Variants in RALGPS1 observed in about 807,000 individuals in gnomAD.
RALGPS1 encodes the protein Ral GEF with PH domain and SH3 binding motif 1.
A neutral mutation model predicts 78.8 loss-of-function variants in RALGPS1; 19 were observed. That is an observed-to-expected ratio of 0.24 (90% CI 0.17 to 0.35). RALGPS1 has a LOEUF of 0.35. RALGPS1 is among the 10% of genes least tolerant of loss of function. The pLI, the probability that RALGPS1 is intolerant of heterozygous loss-of-function variation, is 1.00. For missense variants in RALGPS1, 454 were observed against 688.3 expected (o/e 0.66, Z 3.81); for synonymous variants, 228 against 256.3 (o/e 0.89, Z 1.06).
Position 127,205,479 on chromosome 9 carries a change from C to A in RALGPS1, c.1247+6413C>A, listed in dbSNP as rs972747933. On this transcript the variant is annotated intron_variant, in intron 14 of 18. Transcript: ENST00000259351. The surrounding 1 kb of genome is among the most constrained non-coding windows in gnomAD (Gnocchi z 4.0). ...GAAGAGTGCACAAAGAACCCCTGGCCTCTAGGTGCCAGGGCTTTTTGCTTG... is the reference window on the plus strand; with the variant it reads ...GAAGAGTGCACAAAGAACCCCTGGCATCTAGGTGCCAGGGCTTTTTGCTTG... 1.1e-4 allele frequency among the ~76,000 whole-genome samples: 16 copies of A among 152,232 alleles called. No homozygotes were observed. The highest frequency in any genetic ancestry group is 1.6e-4 in the Non-Finnish European group (11 of 68,044).
intron 1 of RALGPS1, among the ~76,000 whole-genome samples, chr9:126,929,441 A>G (rs2035596192): frequency 1.3e-5 from 2 of 152,112 alleles, no homozygotes; most frequent in African/African-American, 4.8e-5. Flanking sequence ...TAGTGATGAT[A>G]GAAATTTTCT....
intron 8 of RALGPS1, chr9:127,107,994 C>G: frequency 6.3e-7 from 1 of 1,589,674 alleles, no homozygotes. Context: ...CCTTCAGGTT[C>G]TGGTCACTCT....
chr9:127,026,777 C>T (rs2045997464), intron 4 of RALGPS1, among the ~76,000 whole-genome samples: 1 of 152,194 alleles, frequency 6.6e-6, no homozygotes, highest in South Asian at 2.1e-4. Context: ...GCCAAGTGGC[C>T]TGGGCAAGAC....
chr9:126,987,637 A>G (rs1224584913), intron 4 of RALGPS1, among the ~76,000 whole-genome samples: 1 of 152,074 alleles, frequency 6.6e-6, no homozygotes, highest in South Asian at 2.1e-4. Flanking sequence ...GTGGGTACCA[A>G]TTTCAGTGAG....
chr9:126,973,357 A>G (rs1382770207), intron 3 of RALGPS1, among the ~76,000 whole-genome samples: 1 of 152,204 alleles, frequency 6.6e-6, no homozygotes, highest in East Asian at 1.9e-4. Flanking sequence ...GACAACAGGT[A>G]AGACACTCTC....
At chr9:127,125,526 A>G (rs2056549934) in intron 8 of RALGPS1, among the ~76,000 whole-genome samples, 1 of 152,228 alleles carries the variant, frequency 6.6e-6, no homozygotes, top group Non-Finnish European at 1.5e-5. Context: ...GAGTAAGATG[A>G]TGGGGCTGAA....
intron 4 of RALGPS1, among the ~76,000 whole-genome samples, chr9:127,003,244 A>G (rs1250541449): frequency 6.6e-6 from 1 of 152,166 alleles, no homozygotes; most frequent in Non-Finnish European, 1.5e-5. Context: ...AGCAAAAGAA[A>G]CTACCATCAG....
chr9:127,088,931 G>A (rs1228029280), intron 8 of RALGPS1: 2 of 1,614,072 alleles, frequency 1.2e-6, no homozygotes, highest in Admixed American at 1.7e-5. Context: ...TCAGGAGGGG[G>A]AGCTGGCTTA....
At chr9:127,172,557 G>A (rs979130008) in intron 10 of RALGPS1, among the ~76,000 whole-genome samples, 3 of 152,182 alleles carry the variant, frequency 2.0e-5, no homozygotes, top group African/African-American at 7.2e-5. Flanking sequence ...ATCCGTCCGT[G>A]TTGGATGCTC....
At chr9:127,118,966 C>G (rs2055751538) in intron 8 of RALGPS1, among the ~76,000 whole-genome samples, 1 of 152,198 alleles carries the variant, frequency 6.6e-6, no homozygotes, top group Non-Finnish European at 1.5e-5. Flanking sequence ...AGCTCTGATT[C>G]TTCAGTCCTA....
At chr9:127,065,943 G>A (rs931395616) in intron 7 of RALGPS1, among the ~76,000 whole-genome samples, 2 of 152,202 alleles carry the variant, frequency 1.3e-5, no homozygotes, top group African/African-American at 4.8e-5. Context: ...CACTATTCTT[G>A]AGAAATCTGA....
chr9:126,946,049 C>G (rs184308580), intron 1 of RALGPS1, among the ~76,000 whole-genome samples: 11 of 152,232 alleles, frequency 7.2e-5, no homozygotes, highest in African/African-American at 2.6e-4. Flanking sequence ...AGGGAGACTG[C>G]GTAAGAGGCT....
intron 4 of RALGPS1, among the ~76,000 whole-genome samples, chr9:126,980,880 C>T (rs1174929495): frequency 1.3e-5 from 2 of 152,152 alleles, no homozygotes; most frequent in Non-Finnish European, 2.9e-5. Context: ...GCCATCTTAC[C>T]AGGCTTCCAT....
chr9:127,030,533 A>G (rs1409047338), intron 4 of RALGPS1, among the ~76,000 whole-genome samples: 7 of 152,312 alleles, frequency 4.6e-5, no homozygotes, highest in Admixed American at 4.6e-4. Context: ...ACAGGGGAGC[A>G]GAGAGCAGGG....
At chr9:126,923,772 C>T (rs1046311375) in intron 1 of RALGPS1, among the ~76,000 whole-genome samples, 2 of 152,182 alleles carry the variant, frequency 1.3e-5, no homozygotes, top group African/African-American at 4.8e-5. Context: ...TGGCCTCAAG[C>T]GATCCTCCTG....
chr9:127,204,632 T>C (rs2061833882), intron 14 of RALGPS1, among the ~76,000 whole-genome samples: 1 of 151,996 alleles, frequency 6.6e-6, no homozygotes, highest in Admixed American at 6.5e-5. Context: ...CTCTAAGAGG[T>C]CGCTGCAGAC....
At chr9:126,933,254 G>T (rs2035964051) in intron 1 of RALGPS1, among the ~76,000 whole-genome samples, 1 of 152,130 alleles carries the variant, frequency 6.6e-6, no homozygotes, top group Admixed American at 6.5e-5. Flanking sequence ...CCAGAAAGAG[G>T]GGCTGGTGAG....
In RALGPS1 at chr9:127,084,468, G is replaced by A. The variant is rs2051494081; in HGVS notation, c.610+15112G>A. 2.0e-5 allele frequency among the ~76,000 whole-genome samples: 3 copies of A among 152,252 alleles called. No homozygotes were observed. The South Asian group carries it at 6.2e-4, about 32-fold the overall frequency. ...CCAGGCAGCCCTCTGGTCCTAGGAA[G>A]CCTGAATTTGTGCCTCGGTGGGCTG... On this transcript the variant is annotated intron_variant, in intron 8 of 18. Coordinates refer to ENST00000259351, the MANE Select transcript of RALGPS1 (RefSeq NM_014636.3).
At chr9:127,158,165 C>T (rs1333055766) in intron 8 of RALGPS1, among the ~76,000 whole-genome samples, 1 of 152,096 alleles carries the variant, frequency 6.6e-6, no homozygotes, top group South Asian at 2.1e-4. Context: ...GTTTAAGTAA[C>T]ATTAAGTTTT....
Sources: gnomAD v4.1 joint callset for allele counts (sites outside exome capture counted in the v4.1 genomes callset) on GRCh38, gnomAD v4.1.1 for gene constraint, Gnocchi (gnomAD v3.1) non-coding constraint, MANE v1.5 for transcripts, NCBI Gene and HGNC (gene_info 2026-07-23, HGNC 2026-07-21) for gene names.